The following SLC71A1 variants were observed in gnomAD, a reference collection of about 807,000 sequenced individuals.
SLC71A1 encodes the protein hippocampus abundant gene transcript 1.
the SLC71A1 span, among the ~76,000 whole-genome samples, chr1:100,071,366 G>A: frequency 6.6e-6 from 1 of 150,584 alleles, no homozygotes; most frequent in Non-Finnish European, 1.5e-5. Flanking sequence ...AGCTACTCAG[G>A]AAGCTGAGAT....
the SLC71A1 span, among the ~76,000 whole-genome samples, chr1:100,054,455 C>T: frequency 7.2e-5 from 11 of 152,082 alleles, no homozygotes; most frequent in Non-Finnish European, 8.8e-5. Flanking sequence ...TTGTGATCCA[C>T]CCACCTAAGC....
At chr1:100,073,325 G>A in the SLC71A1 span, among the ~76,000 whole-genome samples, 3 of 152,110 alleles carry the variant, frequency 2.0e-5, no homozygotes, top group African/African-American at 4.8e-5. Context: ...AAATTTAATC[G>A]CATCTTACCT....
the SLC71A1 span, among the ~76,000 whole-genome samples, chr1:100,081,519 T>C: frequency 4.6e-5 from 7 of 152,206 alleles, no homozygotes; most frequent in East Asian, 1.4e-3. Context: ...ATTACAGGCA[T>C]ATGCCACCAT....
the SLC71A1 span, among the ~76,000 whole-genome samples, chr1:100,055,945 G>T: frequency 6.6e-6 from 1 of 152,164 alleles, no homozygotes; most frequent in East Asian, 1.9e-4. Flanking sequence ...TAGAGATGGG[G>T]TTTCACCGTA....
the SLC71A1 span, among the ~76,000 whole-genome samples, chr1:100,062,996 C>A: frequency 6.7e-6 from 1 of 150,284 alleles, no homozygotes; most frequent in South Asian, 2.1e-4. Flanking sequence ...TGATACAAGG[C>A]TGATGATAGC....
At chr1:100,055,334 T>A in the SLC71A1 span, among the ~76,000 whole-genome samples, 1 of 150,596 alleles carries the variant, frequency 6.6e-6, no homozygotes, top group Non-Finnish European at 1.5e-5. Context: ...GAGGACTAGA[T>A]CTTTTTTGCA....
chr1:100,083,032 T>C, the SLC71A1 span: 3 of 152,680 alleles, frequency 2.0e-5, no homozygotes, highest in East Asian at 5.8e-4. Context: ...ATTATGTAGA[T>C]AAATATATAT....
At chr1:100,053,217 G>GT in the SLC71A1 span, among the ~76,000 whole-genome samples, 1 of 152,004 alleles carries the variant, frequency 6.6e-6, no homozygotes, top group South Asian at 2.1e-4. Context: ...TACAAATTTT[G>GT]TTTTTTTGTT....
At chr1:100,073,741 G>A in the SLC71A1 span, among the ~76,000 whole-genome samples, 1 of 152,300 alleles carries the variant, frequency 6.6e-6, no homozygotes, top group East Asian at 1.9e-4. Flanking sequence ...GTCTTATTAG[G>A]AATTTGGCAA....
At chr1:100,043,928 C>T in the SLC71A1 span, among the ~76,000 whole-genome samples, 1 of 152,170 alleles carries the variant, frequency 6.6e-6, no homozygotes, top group African/African-American at 2.4e-5. Context: ...ATATATACAC[C>T]ACATTTTCTT....
At chr1:100,048,369 A>G in the SLC71A1 span, among the ~76,000 whole-genome samples, 3 of 152,104 alleles carry the variant, frequency 2.0e-5, no homozygotes, top group Non-Finnish European at 2.9e-5. Flanking sequence ...TAGTAGAGAC[A>G]GGGTTTTGCC....
chr1:100,039,552 C>T, the SLC71A1 span, among the ~76,000 whole-genome samples: 2 of 152,166 alleles, frequency 1.3e-5, no homozygotes, highest in East Asian at 1.9e-4. Context: ...GAAACAAATT[C>T]CTCAAGTTCT....
At chr1:100,056,873 C>T in the SLC71A1 span, among the ~76,000 whole-genome samples, 1 of 152,120 alleles carries the variant, frequency 6.6e-6, no homozygotes, top group Non-Finnish European at 1.5e-5. Context: ...CTGTTTTTAA[C>T]TGGGGTGAGA....
At chr1:100,061,768 T>A in the SLC71A1 span, 9 of 1,021,694 alleles carry the variant, frequency 8.8e-6, no homozygotes, top group Non-Finnish European at 1.4e-5. Context: ...AATTAACTTA[T>A]AAAAATGAAA....
the SLC71A1 span, among the ~76,000 whole-genome samples, chr1:100,040,426 A>G: frequency 1.3e-5 from 2 of 152,084 alleles, no homozygotes; most frequent in African/African-American, 4.8e-5. Flanking sequence ...CTACCTCTCT[A>G]CTTACAATAG....
chr1:100,040,606 A>G, the SLC71A1 span, among the ~76,000 whole-genome samples: 6 of 152,176 alleles, frequency 3.9e-5, no homozygotes, highest in Non-Finnish European at 8.8e-5. Context: ...GACTACAGGC[A>G]CGTGCCACCA....
chr1:100,046,236 T>G, the SLC71A1 span, among the ~76,000 whole-genome samples: 1 of 122,832 alleles, frequency 8.1e-6, no homozygotes, highest in Non-Finnish European at 1.7e-5. Context: ...TTTTTTTTTT[T>G]TTTTTTTTGA....
At chr1:100,078,652 G>C in the SLC71A1 span, 7 of 797,456 alleles carry the variant, frequency 8.8e-6, no homozygotes, top group South Asian at 1.3e-4. Flanking sequence ...TCAGGGTAGA[G>C]ACTTTTAAAA....
At chr1:100,067,694 C>G in the SLC71A1 span, among the ~76,000 whole-genome samples, 6 of 151,980 alleles carry the variant, frequency 3.9e-5, no homozygotes, top group Non-Finnish European at 5.9e-5. Flanking sequence ...GTGCCTGTAG[C>G]CCCATCAGGA....
Sources: gnomAD v4.1 joint callset for allele counts (sites outside exome capture counted in the v4.1 genomes callset) on GRCh38, gnomAD v4.1.1 for gene constraint, MANE v1.5 for transcripts, NCBI Gene and HGNC (gene_info 2026-07-23, HGNC 2026-07-21) for gene names.